LRRTM4: variants seen among roughly 807,000 people sequenced by gnomAD.
The protein encoded by LRRTM4 is leucine-rich repeat transmembrane neuronal protein 4.
LRRTM4 carries 25 observed loss-of-function variants against 47.6 expected under a neutral mutation model. The observed-to-expected ratio is 0.53, with a 90% confidence interval of 0.38 to 0.73. The LOEUF (loss-of-function observed/expected upper bound fraction) is 0.73, where lower values mean the gene tolerates loss of function less well. LRRTM4 is among the 30% of genes least tolerant of loss of function. LRRTM4 has a pLI of 0.00. For synonymous variants in LRRTM4, 311 were observed against 269.5 expected (o/e 1.15, Z -1.51); for missense variants, 638 against 713.4 (o/e 0.89, Z 1.20).
intron 3 of LRRTM4, among the ~76,000 whole-genome samples, chr2:77,037,972 C>T (rs965242489): frequency 3.3e-5 from 5 of 151,646 alleles, no homozygotes; most frequent in Non-Finnish European, 7.4e-5. Context: ...GGAGCACAAG[C>T]TCACACACTT....
intron 3 of LRRTM4, among the ~76,000 whole-genome samples, chr2:76,791,370 C>T (rs1674960892): frequency 6.6e-6 from 1 of 152,110 alleles, no homozygotes; most frequent in African/African-American, 2.4e-5. Flanking sequence ...ATTTGAAACT[C>T]AGTGAAAGGC....
At chr2:77,224,738 A>G (rs1674752081) in intron 3 of LRRTM4, among the ~76,000 whole-genome samples, 1 of 152,162 alleles carries the variant, frequency 6.6e-6, no homozygotes, top group African/African-American at 2.4e-5. Flanking sequence ...ATGTGGAGAA[A>G]TAGGAACACT....
chr2:77,243,876 C>T (rs1273981246), intron 3 of LRRTM4, among the ~76,000 whole-genome samples: 1 of 139,768 alleles, frequency 7.2e-6, no homozygotes, highest in Non-Finnish European at 1.5e-5. Flanking sequence ...CCCACTAACT[C>T]GTCATCTAGC....
chr2:77,052,526 C>T (rs937623182), intron 3 of LRRTM4, among the ~76,000 whole-genome samples: 1 of 151,844 alleles, frequency 6.6e-6, no homozygotes, highest in Admixed American at 6.6e-5. Flanking sequence ...CATTAAGGGC[C>T]ATGTTACTCA....
intron 3 of LRRTM4, among the ~76,000 whole-genome samples, chr2:77,397,460 A>C (rs140602898): frequency 6.6e-6 from 1 of 151,984 alleles, no homozygotes; most frequent in African/African-American, 2.4e-5. Context: ...CGCCCACAGG[A>C]CAGCAGGAGG....
intron 3 of LRRTM4, among the ~76,000 whole-genome samples, chr2:76,966,938 T>G (rs1676045708): frequency 6.6e-6 from 1 of 151,454 alleles, no homozygotes; most frequent in South Asian, 2.1e-4. Flanking sequence ...CATTCAGCCC[T>G]CTCAATTTTT....
chr2:76,884,558 T>C (rs1478930349), intron 3 of LRRTM4, among the ~76,000 whole-genome samples: 1 of 152,026 alleles, frequency 6.6e-6, no homozygotes, highest in Non-Finnish European at 1.5e-5. Context: ...AGAAATAGAA[T>C]ATAGAATGTA....
At chr2:76,849,602 G>C (rs1235218066) in intron 3 of LRRTM4, among the ~76,000 whole-genome samples, 1 of 151,428 alleles carries the variant, frequency 6.6e-6, no homozygotes, top group Non-Finnish European at 1.5e-5. Context: ...AAACAATCTA[G>C]TTTGCTTAAT....
At chr2:76,979,730 A>G (rs1029265587) in intron 3 of LRRTM4, among the ~76,000 whole-genome samples, 1 of 151,922 alleles carries the variant, frequency 6.6e-6, no homozygotes, top group Non-Finnish European at 1.5e-5. Flanking sequence ...AGATAGATGC[A>G]TACATACATA....
At chr2:77,480,520 A>T (rs1677634332) in intron 3 of LRRTM4, among the ~76,000 whole-genome samples, 1 of 152,210 alleles carries the variant, frequency 6.6e-6, no homozygotes, top group South Asian at 2.1e-4. Flanking sequence ...ACACTTGTTC[A>T]ACTCGGCATT....
intron 3 of LRRTM4, among the ~76,000 whole-genome samples, chr2:77,347,970 T>G (rs1034015138): frequency 9.9e-5 from 15 of 151,728 alleles, no homozygotes; most frequent in African/African-American, 3.6e-4. Context: ...AAATATTTGT[T>G]GAACATAAAA....
At chr2:77,473,975 G>C (rs1677284450) in intron 3 of LRRTM4, among the ~76,000 whole-genome samples, 1 of 152,050 alleles carries the variant, frequency 6.6e-6, no homozygotes, top group African/African-American at 2.4e-5. Flanking sequence ...TACTTACTTA[G>C]AATGTGAGCC....
At position 76,982,842 on chromosome 2, in the gene LRRTM4, G is replaced by A. The variant is rs534903945; in HGVS notation, c.1552-233926C>T. On this transcript the variant is annotated intron_variant, in intron 3 of 3. Coordinates refer to ENST00000409884, the MANE Select transcript of LRRTM4 (RefSeq NM_001134745.3). The stretch of plus-strand genomic sequence containing the variant: ...CACTTGTCAAATACAGGAAACACTT[G>A]CAAATAAGTGAAGTGAGGGGCAGAG... Among the ~76,000 whole-genome samples the A allele has an allele frequency of 2.5e-3, 376 of 152,068 alleles. 2 individuals carry two copies. Among genetic ancestry groups the A allele is most frequent in the African/African-American group, 8.7e-3 (363 of 41,524 alleles).
At chr2:77,199,771 G>C (rs889763747) in intron 3 of LRRTM4, among the ~76,000 whole-genome samples, 1 of 151,968 alleles carries the variant, frequency 6.6e-6, no homozygotes, top group Non-Finnish European at 1.5e-5. Flanking sequence ...TTAAAAAGAA[G>C]GCTTCTTCAT....
At chr2:76,789,377 C>T (rs991868988) in intron 3 of LRRTM4, among the ~76,000 whole-genome samples, 5 of 152,212 alleles carry the variant, frequency 3.3e-5, no homozygotes, top group Admixed American at 6.5e-5. Flanking sequence ...TCACCACCCA[C>T]CTCTGCTCTA....
At chr2:76,809,631 T>C (rs1035557133) in intron 3 of LRRTM4, among the ~76,000 whole-genome samples, 1 of 152,144 alleles carries the variant, frequency 6.6e-6, no homozygotes, top group Non-Finnish European at 1.5e-5. Context: ...TTTGGTTAAA[T>C]GTAAGTCAGA....
intron 3 of LRRTM4, among the ~76,000 whole-genome samples, chr2:77,503,402 G>C (rs1340062066): frequency 6.6e-6 from 1 of 151,454 alleles, no homozygotes; most frequent in Non-Finnish European, 1.5e-5. Flanking sequence ...CACAAAACAA[G>C]AAATACCAGG....
intron 3 of LRRTM4, among the ~76,000 whole-genome samples, chr2:77,004,769 G>A (rs1211265344): frequency 2.0e-5 from 3 of 152,122 alleles, no homozygotes; most frequent in South Asian, 2.1e-4. Flanking sequence ...GAGGGTGGCC[G>A]AATCCTGCAA....
chr2:77,229,287 G>T (rs1437835483), intron 3 of LRRTM4, among the ~76,000 whole-genome samples: 1 of 151,980 alleles, frequency 6.6e-6, no homozygotes, highest in Non-Finnish European at 1.5e-5. Context: ...GGTATCACCT[G>T]TAATCACTGA....
Sources: gnomAD v4.1 joint callset for allele counts (sites outside exome capture counted in the v4.1 genomes callset) on GRCh38, gnomAD v4.1.1 for gene constraint, MANE v1.5 for transcripts, NCBI Gene and HGNC (gene_info 2026-07-23, HGNC 2026-07-21) for gene names.